The following RAPGEF6 variants were observed in gnomAD, a reference collection of about 807,000 sequenced individuals.
The protein encoded by RAPGEF6 is Rap guanine nucleotide exchange factor 6.
A neutral mutation model predicts 171.4 loss-of-function variants in RAPGEF6; 56 were observed. The ratio of observed to expected loss-of-function variants is 0.33; its 90% CI spans 0.26 to 0.41. RAPGEF6 has a LOEUF of 0.41. Among genes scored for constraint, RAPGEF6 ranks in the 10% least tolerant of loss-of-function variants. The pLI, the probability that RAPGEF6 is intolerant of heterozygous loss-of-function variation, is 1.00. For missense variants in RAPGEF6, 1,674 were observed against 1,921.4 expected, an observed-to-expected ratio of 0.87 and a Z score of 2.41; for synonymous variants, 692 against 650.1, an observed-to-expected ratio of 1.06 and a Z score of -0.98.
At chr5:131,432,508 C>A (rs949488774) in intron 25 of RAPGEF6, among the ~76,000 whole-genome samples, 16 of 152,108 alleles carry the variant, frequency 1.1e-4, no homozygotes, top group Admixed American at 3.9e-4. Context: ...GTCCCAGCTA[C>A]TCGGGAGGCT....
chr5:131,559,958 A>G (rs1158383059), intron 5 of RAPGEF6, among the ~76,000 whole-genome samples: 1 of 152,180 alleles, frequency 6.6e-6, no homozygotes, highest in East Asian at 1.9e-4. Context: ...GACACTTCCA[A>G]TCACCAGTGG....
intron 1 of RAPGEF6, among the ~76,000 whole-genome samples, chr5:131,608,606 C>A (rs1398912708): frequency 6.6e-6 from 1 of 152,072 alleles, no homozygotes; most frequent in Non-Finnish European, 1.5e-5. Flanking sequence ...AAATTTGATC[C>A]CCAATGTAGC....
intron 18 of RAPGEF6, among the ~76,000 whole-genome samples, chr5:131,462,318 G>C (rs984025718): frequency 2.0e-5 from 3 of 152,124 alleles, no homozygotes; most frequent in Non-Finnish European, 4.4e-5. Context: ...ATGTTGTTAT[G>C]TCATGAACTT....
chr5:131,611,100 T>A (rs111518099), intron 1 of RAPGEF6, among the ~76,000 whole-genome samples: 8 of 152,214 alleles, frequency 5.3e-5, no homozygotes, highest in African/African-American at 1.9e-4. Flanking sequence ...AAACCACTGT[T>A]ACAGTGCAGT....
intron 12 of RAPGEF6, among the ~76,000 whole-genome samples, chr5:131,496,260 G>A (rs1012247778): frequency 7.9e-5 from 12 of 152,092 alleles, no homozygotes; most frequent in Non-Finnish European, 1.5e-4. Context: ...CTGCAGAATC[G>A]TTTACTTTGC....
At chr5:131,517,854 G>T in intron 7 of RAPGEF6, among the ~76,000 whole-genome samples, 1 of 149,460 alleles carries the variant, frequency 6.7e-6, no homozygotes, top group Non-Finnish European at 1.5e-5. Context: ...CTTACCCATG[G>T]ATTAAAATTA....
rs562961179 is a variant in RAPGEF6, at chr5:131,440,877, T to C, written c.3611-1162A>G. ...CACTCCTACCAACAAATTTATCAACTTCACCAATTCTGCACCCAATTCTCT... is the reference window on the plus strand; with the variant it reads ...CACTCCTACCAACAAATTTATCAACCTCACCAATTCTGCACCCAATTCTCT... On this transcript the variant is annotated intron_variant, in intron 23 of 27. Transcript: ENST00000509018. 6.6e-5 allele frequency among the ~76,000 whole-genome samples: 10 copies of C among 152,118 alleles called. No homozygotes were observed. In the South Asian group the frequency reaches 2.1e-3, roughly 32 times the overall value.
At chr5:131,467,991 A>C (rs1754478431) in intron 17 of RAPGEF6, among the ~76,000 whole-genome samples, 1 of 151,824 alleles carries the variant, frequency 6.6e-6, no homozygotes, top group African/African-American at 2.4e-5. Flanking sequence ...AGATCATACT[A>C]CTGCAGTCCA....
Position 131,462,078 on chromosome 5 carries a change from TTAAG to T in RAPGEF6, c.2487_2490del (p.Tyr829Ter). On this transcript the variant is annotated frameshift_variant, in exon 19 of 28. Transcript: ENST00000509018. LOFTEE classifies it high-confidence loss of function. ...AAGGTTTCTGTTTCCATGTTATTTT[TTAAG>T]TAATACCTAAATGGAAAAATTTTTT... 6.5e-7 allele frequency: 1 copy of T among 1,539,166 alleles called. No homozygotes were observed. The highest frequency in any genetic ancestry group is 8.8e-7 in the Non-Finnish European group (1 of 1,142,792).
rs1014144062 is a variant in RAPGEF6 at position 131,438,741 on chromosome 5, C to T, written c.3745+840G>A. Among the ~76,000 whole-genome samples, 5 of 152,148 alleles carry T rather than the reference C, an allele frequency of 3.3e-5. No individual in the cohort carries two copies. In the South Asian group the frequency reaches 6.2e-4, roughly 19 times the overall value. On this transcript the variant is annotated intron_variant, in intron 24 of 27. Coordinates refer to ENST00000509018, the MANE Select transcript of RAPGEF6 (RefSeq NM_016340.6). ...TGCTCCAGTCTGAATTATGAAAACA[C>T]GTAAATGAACAAGAATTTCAGTTTT...
intron 19 of RAPGEF6, among the ~76,000 whole-genome samples, chr5:131,456,537 T>C (rs1471768132): frequency 6.6e-6 from 1 of 152,192 alleles, no homozygotes; most frequent in African/African-American, 2.4e-5. Flanking sequence ...CTCCAGATAT[T>C]CAATGTCTCC....
intron 17 of RAPGEF6, 169 bp downstream of exon 17, chr5:131,472,418 A>T: frequency 1.3e-6 from 1 of 794,528 alleles, no homozygotes; most frequent in Non-Finnish European, 2.1e-6. Flanking sequence ...TAGAGGAAGT[A>T]CCATTCAAAT....
chr5:131,618,964 AAAC>A (rs1765439834), intron 1 of RAPGEF6, among the ~76,000 whole-genome samples: 1 of 152,096 alleles, frequency 6.6e-6, no homozygotes, highest in Non-Finnish European at 1.5e-5. Flanking sequence ...AATCATGAGA[AAAC>A]AACCAGATGA....
intron 11 of RAPGEF6, among the ~76,000 whole-genome samples, chr5:131,499,336 T>C (rs1756855610): frequency 6.6e-6 from 1 of 152,082 alleles, no homozygotes. Context: ...ATCCCAGCAC[T>C]TTGGGAGGCC....
chr5:131,594,573 T>C (rs1763781907), intron 3 of RAPGEF6, among the ~76,000 whole-genome samples: 1 of 152,210 alleles, frequency 6.6e-6, no homozygotes. Flanking sequence ...GCCATTGTCC[T>C]TCAGACCCCA....
At chr5:131,569,722 T>G (rs1475759368) in intron 4 of RAPGEF6, among the ~76,000 whole-genome samples, 2 of 152,078 alleles carry the variant, frequency 1.3e-5, no homozygotes, top group Non-Finnish European at 2.9e-5. Flanking sequence ...TATTAAAGTT[T>G]TATGCTTCAA....
At position 131,604,826 on chromosome 5, in the gene RAPGEF6, T is replaced by G. The variant is rs1764457542; in HGVS notation, c.70-133A>C. 3 of 1,139,716 alleles carry G rather than the reference T, an allele frequency of 2.6e-6. No homozygotes were observed. The African/African-American group carries it at 4.8e-5, about 18-fold the overall frequency. The allele number at this position is 1,139,716 out of a possible 1,614,324, so 70.6% of individuals were successfully genotyped here. Reference sequence around the variant, plus strand: ...TTAACTATGGAAAAATCATAAAACCTCTGAATCATAAAAGATTTGAAAAGG... The same window carrying G: ...TTAACTATGGAAAAATCATAAAACCGCTGAATCATAAAAGATTTGAAAAGG... On this transcript the variant is annotated intron_variant, in intron 1 of 27. Transcript: ENST00000509018.
intron 16 of RAPGEF6, among the ~76,000 whole-genome samples, chr5:131,476,860 T>C (rs759852897): frequency 6.6e-6 from 1 of 152,180 alleles, no homozygotes; most frequent in Non-Finnish European, 1.5e-5. Flanking sequence ...AAGCTTTTAA[T>C]AGAAAGGCAT....
rs113372896 is a variant in RAPGEF6, at chr5:131,480,096, T to C, written c.1841-343A>G. On this transcript the variant is annotated intron_variant, in intron 15 of 27. Transcript: ENST00000509018. ...CATAACTGCTAATCAACTAATTTTA[T>C]AGAAACAGATACTTAGGTTCTATTT... 3.3e-3 allele frequency among the ~76,000 whole-genome samples: 505 copies of C among 152,342 alleles called. 2 individuals are homozygous for C. Among genetic ancestry groups the C allele is most frequent in the African/African-American group, 0.012 (483 of 41,574 alleles).
Sources: gnomAD v4.1 joint callset for allele counts (sites outside exome capture counted in the v4.1 genomes callset) on GRCh38, gnomAD v4.1.1 for gene constraint, MANE v1.5 for transcripts, NCBI Gene and HGNC (gene_info 2026-07-23, HGNC 2026-07-21) for gene names.